ATXN1: variants seen among roughly 807,000 people sequenced by gnomAD.
The protein encoded by ATXN1 is ataxin-1.
Under a neutral mutation model 56.4 loss-of-function variants are expected in ATXN1, and 8 were observed. The observed-to-expected ratio is 0.14, with a 90% CI of 0.08 to 0.26. The LOEUF (loss-of-function observed/expected upper bound fraction) is 0.26, where lower values mean the gene tolerates loss of function less well. Ranked by LOEUF, ATXN1 falls within the 10% of genes least tolerant of loss-of-function variation. ATXN1 has a pLI of 1.00. For synonymous variants in ATXN1, 514 were observed against 494.6 expected (o/e 1.04, Z -0.52); for missense variants, 987 against 1,106.5 (o/e 0.89, Z 1.53).
At position 16,458,794 on chromosome 6, in the gene ATXN1, C is replaced by T. The variant is rs547202142; in HGVS notation, c.-161+27178G>A. Reference sequence around the variant, plus strand: ...CATGTCCACTATGCCAAGGCAATCACTAGACGGGGTACTGCCCCAGAGGAC... The same window carrying T: ...CATGTCCACTATGCCAAGGCAATCATTAGACGGGGTACTGCCCCAGAGGAC... On this transcript the variant is annotated intron_variant, in intron 6 of 7. Transcript: ENST00000436367. Among the ~76,000 whole-genome samples the T allele has an allele frequency of 5.1e-4, 77 of 152,348 alleles. 1 individual carries two copies. The highest frequency in any genetic ancestry group is 6.8e-3 in the Middle Eastern group (2 of 294).
chr6:16,503,820 A>G (rs1160403546), intron 5 of ATXN1, among the ~76,000 whole-genome samples: 1 of 152,162 alleles, frequency 6.6e-6, no homozygotes, highest in Non-Finnish European at 1.5e-5. Flanking sequence ...TATACTTCTA[A>G]AAATTGTGGT....
At chr6:16,459,569 C>T (rs575039690) in intron 6 of ATXN1, among the ~76,000 whole-genome samples, 1 of 152,174 alleles carries the variant, frequency 6.6e-6, no homozygotes, top group Admixed American at 6.5e-5. Flanking sequence ...CCTGCTCTCT[C>T]AAATACCAAA....
At position 16,300,647 on chromosome 6, in the gene ATXN1, TGTG is replaced by T. The variant is rs1212451675; in HGVS notation, c.*5679_*5681del. 1 of 152,372 alleles carries T rather than the reference TGTG, an allele frequency of 6.6e-6. No individual in the cohort carries two copies. The highest frequency in any genetic ancestry group is 6.6e-5 in the Admixed American group (1 of 15,224). The allele number at this position is 152,372 out of a possible 1,614,324, so 9.4% of individuals were successfully genotyped here. ...TTTTACTCCCCCCATTTAAATGAGGTGTGGGGGGAAAGAAGGTGAAATAATTTT... is the reference window on the plus strand; with the variant it reads ...TTTTACTCCCCCCATTTAAATGAGGTGGGGGAAAGAAGGTGAAATAATTTT... On this transcript the variant is annotated 3_prime_UTR_variant, in exon 8 of 8. Transcript: ENST00000436367.
At chr6:16,508,259 T>C (rs1761017010) in intron 5 of ATXN1, among the ~76,000 whole-genome samples, 2 of 152,126 alleles carry the variant, frequency 1.3e-5, no homozygotes, top group Non-Finnish European at 2.9e-5. Context: ...ACTGATATAG[T>C]AGATAAAAGT....
chr6:16,722,824 G>A (rs1217624998), intron 2 of ATXN1, among the ~76,000 whole-genome samples: 1 of 152,180 alleles, frequency 6.6e-6, no homozygotes, highest in Non-Finnish European at 1.5e-5. Flanking sequence ...GAAACACACT[G>A]TTGCTTTCCC....
chr6:16,529,962 G>C (rs1041949264), intron 4 of ATXN1, among the ~76,000 whole-genome samples: 1 of 152,082 alleles, frequency 6.6e-6, no homozygotes, highest in Non-Finnish European at 1.5e-5. Context: ...TAAATAAAAG[G>C]CATGCTTATT....
At chr6:16,378,323 C>T (rs13218161) in intron 6 of ATXN1, among the ~76,000 whole-genome samples, 20,576 of 152,210 alleles carry the variant, frequency 0.14, 2,543 homozygotes, top group East Asian at 0.43. Flanking sequence ...ACTTACCAAG[C>T]ACTTTATAAT....
chr6:16,449,997 T>C (rs893184551), intron 6 of ATXN1, among the ~76,000 whole-genome samples: 5 of 152,370 alleles, frequency 3.3e-5, no homozygotes, highest in Middle Eastern at 3.4e-3. Context: ...AAGTCAGCAT[T>C]ACACGCTGAA....
At chr6:16,442,781 G>A (rs1561897728) in intron 6 of ATXN1, among the ~76,000 whole-genome samples, 3 of 152,182 alleles carry the variant, frequency 2.0e-5, no homozygotes, top group African/African-American at 7.2e-5. Flanking sequence ...GGAGGCCAAG[G>A]CGGGTGGATC....
In ATXN1 at chr6:16,678,773, C is replaced by T. The variant is rs530788654; in HGVS notation, c.-614-20872G>A. Reference sequence around the variant, plus strand: ...TGAAGGGGCTGGGTGCGGTGGCTCACGCCTGTAATCCCAGCACTTTGGGAG... The same window carrying T: ...TGAAGGGGCTGGGTGCGGTGGCTCATGCCTGTAATCCCAGCACTTTGGGAG... On this transcript the variant is annotated intron_variant, in intron 2 of 7. Transcript: ENST00000436367. 1.4e-4 allele frequency among the ~76,000 whole-genome samples: 21 copies of T among 152,228 alleles called. No individual in the cohort carries two copies. The East Asian group carries it at 3.3e-3, about 24-fold the overall frequency.
At chr6:16,738,059 C>T (rs1353987028) in intron 2 of ATXN1, 1 of 152,140 alleles carries the variant, frequency 6.6e-6, no homozygotes, top group Admixed American at 6.5e-5. Context: ...GTATTTAAGT[C>T]CTTAATGTAC....
At chr6:16,362,516 G>A (rs541153108) in intron 6 of ATXN1, among the ~76,000 whole-genome samples, 5 of 151,924 alleles carry the variant, frequency 3.3e-5, no homozygotes, top group South Asian at 2.1e-4. Context: ...GCTCCCGCCC[G>A]GTCCCTCTCC....
chr6:16,388,505 G>A (rs552012524), intron 6 of ATXN1, among the ~76,000 whole-genome samples: 1 of 152,306 alleles, frequency 6.6e-6, no homozygotes, highest in East Asian at 1.9e-4. Context: ...TAAGGATGCA[G>A]GAGAAATTCT....
chr6:16,555,766 GC>G (rs1011947436), intron 4 of ATXN1, among the ~76,000 whole-genome samples: 5 of 152,198 alleles, frequency 3.3e-5, no homozygotes, highest in African/African-American at 1.2e-4. Flanking sequence ...TATGGAGTCA[GC>G]CTAAACTCCT....
At chr6:16,449,391 G>C (rs892198783) in intron 6 of ATXN1, among the ~76,000 whole-genome samples, 2 of 152,180 alleles carry the variant, frequency 1.3e-5, no homozygotes, top group African/African-American at 4.8e-5. Context: ...CAATGTCAGA[G>C]ATTAAATCTA....
At chr6:16,393,903 CT>C (rs367640759) in intron 6 of ATXN1, among the ~76,000 whole-genome samples, 288 of 127,530 alleles carry the variant, frequency 2.3e-3, no homozygotes, top group East Asian at 2.6e-3. Context: ...ATGGAATCAC[CT>C]TTTTTTTTTT....
chr6:16,647,528 G>A (rs979369755), intron 3 of ATXN1, among the ~76,000 whole-genome samples: 2 of 152,098 alleles, frequency 1.3e-5, no homozygotes, highest in Admixed American at 1.3e-4. Flanking sequence ...GTTGTCTCAG[G>A]GCTAGATTTT....
At chr6:16,340,654 G>A (rs1176556819) in intron 6 of ATXN1, among the ~76,000 whole-genome samples, 1 of 152,230 alleles carries the variant, frequency 6.6e-6, no homozygotes, top group Non-Finnish European at 1.5e-5. Context: ...TGCAGGCACT[G>A]CTCTCTCTAA....
intron 6 of ATXN1, among the ~76,000 whole-genome samples, chr6:16,393,269 T>A (rs1167703813): frequency 6.6e-6 from 1 of 152,038 alleles, no homozygotes; most frequent in Non-Finnish European, 1.5e-5. Flanking sequence ...ATATTTATTT[T>A]TTTTAGAGAC....
Sources: allele counts gnomAD v4.1 joint callset (sites outside exome capture counted in the v4.1 genomes callset), GRCh38; gene constraint gnomAD v4.1.1; transcripts MANE v1.5; gene names NCBI Gene and HGNC (gene_info 2026-07-23, HGNC 2026-07-21).